The following PEX14 variants were observed in gnomAD, a reference collection of about 807,000 sequenced individuals.
The protein encoded by PEX14 is peroxisomal biogenesis factor 14.
In PEX14, 15 loss-of-function variants were observed where a neutral mutation model predicts 49.5. That is an observed-to-expected ratio of 0.30 (90% CI 0.20 to 0.47). The LOEUF (loss-of-function observed/expected upper bound fraction) is 0.47. Ranked by LOEUF, PEX14 falls within the 20% of genes least tolerant of loss-of-function variation. The pLI, the probability that PEX14 is intolerant of heterozygous loss-of-function variation, is 1.00. For synonymous variants in PEX14, 210 were observed against 212.7 expected (o/e 0.99, Z 0.11); for missense variants, 398 against 494.8 (o/e 0.80, Z 1.86).
At chr1:10,516,574 T>C (rs1641974140) in intron 2 of PEX14, among the ~76,000 whole-genome samples, 1 of 152,242 alleles carries the variant, frequency 6.6e-6, no homozygotes, top group African/African-American at 2.4e-5. Flanking sequence ...TCGTCTGTGC[T>C]GGCATCTGTG....
chr1:10,480,779 C>G (rs1007116247), intron 1 of PEX14, among the ~76,000 whole-genome samples: 2 of 151,942 alleles, frequency 1.3e-5, no homozygotes, highest in East Asian at 3.9e-4. Flanking sequence ...CCCATAAAAA[C>G]TTAACCAAGA....
At chr1:10,568,630 T>A (rs1025826241) in intron 3 of PEX14, among the ~76,000 whole-genome samples, 2 of 152,184 alleles carry the variant, frequency 1.3e-5, no homozygotes, top group African/African-American at 4.8e-5. Flanking sequence ...GCCGTAAGTA[T>A]GTGTTCAAGC....
In PEX14 at chr1:10,584,221, T is replaced by G. The variant is rs950439865; in HGVS notation, c.170-15017T>G. On this transcript the variant is annotated intron_variant, in intron 3 of 8. Transcript: ENST00000356607. ...TCCAAGGTTTTTGGCCTTGTGTGAC[T>G]ACAAGTTTGGAGTTGTCATTAACTA... Among the ~76,000 whole-genome samples, 9 of 152,174 alleles carry G rather than the reference T, an allele frequency of 5.9e-5. No individual in the cohort carries two copies. In the South Asian group the frequency reaches 1.9e-3, roughly 32 times the overall value.
rs1366828319 is a variant in PEX14, at chr1:10,597,207, C to T, written c.170-2031C>T. ...CTTTTGGGAAAATTATCTTCATTTGCAGCCAGCGGCTGACAAGGCACACGA... is the reference window on the plus strand; with the variant it reads ...CTTTTGGGAAAATTATCTTCATTTGTAGCCAGCGGCTGACAAGGCACACGA... On this transcript the variant is annotated intron_variant, in intron 3 of 8. Coordinates refer to ENST00000356607, the MANE Select transcript of PEX14 (RefSeq NM_004565.3). This position sits in a 1 kb window ranked among gnomAD's most constrained non-coding sequence, Gnocchi z 5.7. Among the ~76,000 whole-genome samples the T allele has an allele frequency of 6.6e-6, 1 of 152,240 alleles. No homozygotes were observed. The highest frequency in any genetic ancestry group is 1.5e-5 in the Non-Finnish European group (1 of 68,046).
intron 3 of PEX14, among the ~76,000 whole-genome samples, chr1:10,546,044 CA>C (rs560625399): frequency 6.7e-6 from 1 of 148,224 alleles, no homozygotes; most frequent in Admixed American, 6.7e-5. Context: ...GACACTGTCT[CA>C]AAAAAAAAGA....
intron 3 of PEX14, among the ~76,000 whole-genome samples, chr1:10,573,530 G>A (rs1365234654): frequency 6.6e-6 from 1 of 152,170 alleles, no homozygotes; most frequent in Non-Finnish European, 1.5e-5. Context: ...GGGTAATGTA[G>A]CTTAAACCAC....
intron 2 of PEX14, among the ~76,000 whole-genome samples, chr1:10,532,173 C>T (rs1319813644): frequency 6.6e-6 from 1 of 152,156 alleles, no homozygotes; most frequent in African/African-American, 2.4e-5. Flanking sequence ...TGAAGTCCCC[C>T]CCGCTTTTTT....
intron 3 of PEX14, among the ~76,000 whole-genome samples, chr1:10,561,908 G>A (rs1639662454): frequency 6.6e-6 from 1 of 151,844 alleles, no homozygotes. Flanking sequence ...CTTTAGTTCA[G>A]AGTGCTATAA....
intron 1 of PEX14, among the ~76,000 whole-genome samples, chr1:10,485,735 C>T (rs1291470392): frequency 6.7e-6 from 1 of 149,006 alleles, no homozygotes; most frequent in Non-Finnish European, 1.5e-5. Context: ...TATCTGCAAC[C>T]TTGTTAACTT....
chr1:10,618,603 C>T (rs1282562499), intron 5 of PEX14, among the ~76,000 whole-genome samples, 186 bp downstream of exon 5: 4 of 152,228 alleles, frequency 2.6e-5, no homozygotes, highest in Non-Finnish European at 5.9e-5. Context: ...TGCTGTGGGG[C>T]TTGGCAGGCT....
chr1:10,477,979 C>G (rs923879332), intron 1 of PEX14, among the ~76,000 whole-genome samples: 2 of 152,140 alleles, frequency 1.3e-5, no homozygotes, highest in Admixed American at 1.3e-4. Flanking sequence ...ACCTCCGCCT[C>G]CCAGGTTCAA....
chr1:10,476,344 G>A (rs557680291), intron 1 of PEX14, among the ~76,000 whole-genome samples: 1 of 152,170 alleles, frequency 6.6e-6, no homozygotes, highest in Non-Finnish European at 1.5e-5. Flanking sequence ...CAGGTGTTCT[G>A]GAGTTTGGCA....
intron 2 of PEX14, among the ~76,000 whole-genome samples, chr1:10,522,923 C>G (rs1021541570): frequency 5.3e-5 from 8 of 152,152 alleles, no homozygotes; most frequent in African/African-American, 1.9e-4. Context: ...ATCGTGATGA[C>G]TCAGTATTGT....
intron 3 of PEX14, among the ~76,000 whole-genome samples, chr1:10,566,869 T>G (rs1346014607): frequency 2.0e-5 from 3 of 152,076 alleles, no homozygotes; most frequent in Admixed American, 1.3e-4. Flanking sequence ...AATCAGGAAT[T>G]TATTTCAGTG....
intron 3 of PEX14, among the ~76,000 whole-genome samples, chr1:10,587,895 CTTTTTTTTTTT>C (rs762006360): frequency 1.8e-5 from 1 of 54,388 alleles, no homozygotes; most frequent in African/African-American, 6.9e-5. Context: ...CACACATGTG[CTTTTTTTTTTT>C]TTTTTTTTTT....
intron 3 of PEX14, among the ~76,000 whole-genome samples, chr1:10,546,670 T>G (rs1299784076): frequency 7.3e-6 from 1 of 137,374 alleles, no homozygotes; most frequent in Non-Finnish European, 1.5e-5. Flanking sequence ...ATTGAGACCA[T>G]CCTGGCCAAC....
chr1:10,562,892 G>A (rs1639689085), intron 3 of PEX14, among the ~76,000 whole-genome samples: 1 of 148,156 alleles, frequency 6.7e-6, no homozygotes, highest in African/African-American at 2.5e-5. Context: ...GCTGAATGGT[G>A]ATTTTCTTTT....
At chr1:10,548,890 T>A (rs1639253564) in intron 3 of PEX14, among the ~76,000 whole-genome samples, 1 of 152,208 alleles carries the variant, frequency 6.6e-6, no homozygotes, top group Admixed American at 6.5e-5. Context: ...TAGGAGCTGA[T>A]CTCCTCAGAA....
intron 4 of PEX14, among the ~76,000 whole-genome samples, 174 bp from the exon 5 acceptor site, chr1:10,618,158 G>T (rs930186398): frequency 1.3e-5 from 2 of 152,344 alleles, no homozygotes; most frequent in East Asian, 1.9e-4. Context: ...GGGAACAGGA[G>T]GGGTGGAGCC....
Sources: allele counts gnomAD v4.1 joint callset (sites outside exome capture counted in the v4.1 genomes callset), GRCh38; gene constraint gnomAD v4.1.1; non-coding constraint Gnocchi (gnomAD v3.1); transcripts MANE v1.5; gene names NCBI Gene and HGNC (gene_info 2026-07-23, HGNC 2026-07-21).